Variants in PCDHGA1 observed in about 807,000 individuals in gnomAD.
The protein encoded by PCDHGA1 is protocadherin gamma-A1.
A neutral mutation model predicts 58.0 loss-of-function variants in PCDHGA1; 32 were observed. That is an observed-to-expected ratio of 0.55 (90% CI 0.42 to 0.74). PCDHGA1 has a LOEUF of 0.74. Among genes scored for constraint, PCDHGA1 ranks in the 30% least tolerant of loss-of-function variants. The pLI is 0.00. For synonymous variants in PCDHGA1, 498 were observed against 501.1 expected (o/e 0.99, Z 0.08); for missense variants, 1,205 against 1,182.3 (o/e 1.02, Z -0.28).
chr5:141,423,092 A>T (rs2096708373), intron 1 of PCDHGA1: 5 of 1,613,952 alleles, frequency 3.1e-6, no homozygotes, highest in South Asian at 2.2e-5. Flanking sequence ...GCGGTGGGGG[A>T]GCACACGGGC....
At chr5:141,499,186 T>A (rs1332703037) in intron 2 of PCDHGA1, among the ~76,000 whole-genome samples, 2 of 152,036 alleles carry the variant, frequency 1.3e-5, no homozygotes, top group Non-Finnish European at 2.9e-5. Context: ...AGCAAACCAT[T>A]TCCCCCTTCT....
chr5:141,409,096 A>C, intron 1 of PCDHGA1: 1 of 1,614,074 alleles, frequency 6.2e-7, no homozygotes, highest in African/African-American at 1.3e-5. Context: ...ATGAGAAAAC[A>C]GGTATGATTA....
At chr5:141,423,427 G>T (rs2096739583) in intron 1 of PCDHGA1, 1 of 1,613,892 alleles carries the variant, frequency 6.2e-7, no homozygotes, top group Non-Finnish European at 8.5e-7. Flanking sequence ...AGGCGGGTTG[G>T]CAGGTATGCC....
intron 1 of PCDHGA1, chr5:141,400,041 G>T (rs1354740714): frequency 1.2e-6 from 2 of 1,613,566 alleles, no homozygotes; most frequent in South Asian, 2.2e-5. Context: ...GCCAGCGCCT[G>T]CTGGTTGCTG....
At chr5:141,351,308 A>C (rs1758689711) in intron 1 of PCDHGA1, 1 of 1,613,836 alleles carries the variant, frequency 6.2e-7, no homozygotes, top group African/African-American at 1.3e-5. Context: ...GTCCTTCTCT[A>C]ACCAGATTCC....
At chr5:141,474,888 G>T (rs1349812637) in intron 1 of PCDHGA1, among the ~76,000 whole-genome samples, 1 of 152,176 alleles carries the variant, frequency 6.6e-6, no homozygotes, top group Non-Finnish European at 1.5e-5. Context: ...ACTCTTAGAG[G>T]TTCATTTCTT....
intron 1 of PCDHGA1, chr5:141,357,816 T>G: frequency 2.8e-6 from 2 of 715,180 alleles, no homozygotes; most frequent in African/African-American, 1.8e-5. Flanking sequence ...TTATTACTTA[T>G]CCTTTTTGGT....
chr5:141,366,043 T>C (rs1041453851), intron 1 of PCDHGA1: 3 of 1,614,242 alleles, frequency 1.9e-6, no homozygotes, highest in African/African-American at 2.7e-5. Flanking sequence ...CCACAGACGG[T>C]TCCACGGGCG....
At chr5:141,337,476 T>C (rs1280984165) in intron 1 of PCDHGA1, among the ~76,000 whole-genome samples, 1 of 152,216 alleles carries the variant, frequency 6.6e-6, no homozygotes, top group Non-Finnish European at 1.5e-5. Flanking sequence ...TGCTACAATA[T>C]GGACGAACTT....
chr5:141,340,405 C>G, intron 1 of PCDHGA1: 3 of 1,614,220 alleles, frequency 1.9e-6, no homozygotes, highest in Non-Finnish European at 2.5e-6. Flanking sequence ...CGGCCCATGA[C>G]CCCGACAGCA....
intron 1 of PCDHGA1, among the ~76,000 whole-genome samples, chr5:141,445,945 C>G (rs1433543714): frequency 1.3e-5 from 2 of 152,254 alleles, no homozygotes; most frequent in Non-Finnish European, 2.9e-5. Flanking sequence ...TAAGCTTACT[C>G]TGGCTGCTAT....
chr5:141,420,920 A>G, intron 1 of PCDHGA1: 1 of 338,894 alleles, frequency 3.0e-6, no homozygotes, highest in Middle Eastern at 8.3e-4. Flanking sequence ...GTGATTCACA[A>G]AGGTGAGCGT....
At chr5:141,351,336 G>A (rs1438801220) in intron 1 of PCDHGA1, 3 of 1,613,598 alleles carry the variant, frequency 1.9e-6, no homozygotes, top group Non-Finnish European at 1.7e-6. Flanking sequence ...TCAGACCTTG[G>A]AACTGTAATA....
At chr5:141,350,967 C>T (rs778914376) in intron 1 of PCDHGA1, 1 of 1,614,094 alleles carries the variant, frequency 6.2e-7, no homozygotes, top group Non-Finnish European at 8.5e-7. Flanking sequence ...AATGATAATG[C>T]TCCCGTGTTT....
intron 1 of PCDHGA1, among the ~76,000 whole-genome samples, chr5:141,463,418 C>T (rs1442067485): frequency 3.6e-5 from 5 of 138,240 alleles, no homozygotes; most frequent in Admixed American, 2.9e-4. Flanking sequence ...TCCTAGTTTG[C>T]GGATCCTCAT....
intron 1 of PCDHGA1, among the ~76,000 whole-genome samples, chr5:141,368,786 T>A (rs997077499): frequency 6.6e-6 from 1 of 152,202 alleles, no homozygotes; most frequent in Non-Finnish European, 1.5e-5. Flanking sequence ...TTCTGAAGAA[T>A]AATTTTTCAT....
At chr5:141,355,604 CAG>C in intron 1 of PCDHGA1, 1 of 1,613,936 alleles carries the variant, frequency 6.2e-7, no homozygotes, top group Non-Finnish European at 8.5e-7. Flanking sequence ...AGTTTTGGGA[CAG>C]AACAGAGGGA....
chr5:141,366,207 T>G, intron 1 of PCDHGA1: 1 of 1,613,790 alleles, frequency 6.2e-7, no homozygotes, highest in Non-Finnish European at 8.5e-7. Context: ...ACGGGCGAGG[T>G]GCGCACAGCG....
chr5:141,421,288 C>T, intron 1 of PCDHGA1: 1 of 1,613,312 alleles, frequency 6.2e-7, no homozygotes, highest in Non-Finnish European at 8.5e-7. Context: ...GTGCATTTTC[C>T]TGGGGACGCT....
Sources: allele counts gnomAD v4.1 joint callset (sites outside exome capture counted in the v4.1 genomes callset), GRCh38; gene constraint gnomAD v4.1.1; transcripts MANE v1.5; gene names NCBI Gene and HGNC (gene_info 2026-07-23, HGNC 2026-07-21).